The following OIT3 variants were observed in gnomAD, a reference collection of about 807,000 sequenced individuals.
OIT3 encodes oncoprotein induced transcript 3, also known as oncoprotein-induced transcript 3 protein.
Under a neutral mutation model 52.2 loss-of-function variants are expected in OIT3, and 41 were observed. That is an observed-to-expected ratio of 0.79 (90% CI 0.61 to 1.02). The LOEUF (loss-of-function observed/expected upper bound fraction) is 1.02, where lower values mean the gene tolerates loss of function less well. OIT3 is among the 50% of genes least tolerant of loss of function. The pLI is 0.00. For synonymous variants in OIT3, 244 were observed against 276.9 expected (o/e 0.88, Z 1.18); for missense variants, 634 against 715.5 (o/e 0.89, Z 1.30).
intron 6 of OIT3, among the ~76,000 whole-genome samples, chr10:72,922,765 T>A (rs1846132435): frequency 6.6e-6 from 1 of 152,208 alleles, no homozygotes; most frequent in Non-Finnish European, 1.5e-5. Context: ...GAGGGCACTC[T>A]AGCTTTTTGA....
At chr10:72,921,742 A>G (rs1454355442) in intron 6 of OIT3, among the ~76,000 whole-genome samples, 1 of 149,508 alleles carries the variant, frequency 6.7e-6, no homozygotes, top group Non-Finnish European at 1.5e-5. Context: ...GCATGATCTC[A>G]GCACATGCAA....
intron 2 of OIT3, among the ~76,000 whole-genome samples, chr10:72,899,605 A>G (rs914049909): frequency 9.1e-4 from 138 of 151,876 alleles, no homozygotes; most frequent in Non-Finnish European, 6.5e-4. Context: ...CAAAAAAAAA[A>G]AAAAAAGAAA....
chr10:72,921,793 T>C (rs1364709042), intron 6 of OIT3, among the ~76,000 whole-genome samples: 1 of 151,086 alleles, frequency 6.6e-6, no homozygotes, highest in Non-Finnish European at 1.5e-5. Flanking sequence ...TGCCTCAGCC[T>C]CCCGAGTAGT....
intron 7 of OIT3, among the ~76,000 whole-genome samples, chr10:72,928,363 G>A (rs1846187022): frequency 6.6e-6 from 1 of 152,158 alleles, no homozygotes. Flanking sequence ...TGAATTCGGT[G>A]CTCGGAACTA....
chr10:72,924,977 G>A (rs1203326896), intron 7 of OIT3, among the ~76,000 whole-genome samples: 1 of 151,998 alleles, frequency 6.6e-6, no homozygotes, highest in African/African-American at 2.4e-5. Context: ...TGGGTGTGGT[G>A]GCAGGCACCT....
chr10:72,931,928 G>A (rs140327581), intron 8 of OIT3, among the ~76,000 whole-genome samples: 13 of 152,324 alleles, frequency 8.5e-5, no homozygotes, highest in African/African-American at 3.1e-4. Context: ...AGGAAGCTCA[G>A]GCAGTTACCT....
chr10:72,895,945 A>G (rs544040358), intron 1 of OIT3, among the ~76,000 whole-genome samples: 17 of 152,322 alleles, frequency 1.1e-4, no homozygotes, highest in African/African-American at 4.1e-4. Flanking sequence ...CAGTGGCCAG[A>G]TTATTAGATT....
chr10:72,924,219 C>A lies in OIT3; in HGVS notation c.952-10C>A. The A allele has an allele frequency of 1.3e-6, 2 of 1,578,234 alleles. No homozygotes were observed. Among genetic ancestry groups the A allele is most frequent in the Non-Finnish European group, 1.7e-6 (2 of 1,158,830 alleles). On this transcript the variant is annotated splice_polypyrimidine_tract_variant and intron_variant, in intron 6 of 8. Coordinates refer to ENST00000334011, the MANE Select transcript of OIT3 (RefSeq NM_152635.3). The stretch of plus-strand genomic sequence containing the variant: ...AATCTCTTTCCTCTCCTCACCCTGG[C>A]CTGGCTCAGGTGGTGAATGACAAGA...
intron 6 of OIT3, chr10:72,918,239 G>T: frequency 1.2e-6 from 1 of 819,876 alleles, no homozygotes; most frequent in Non-Finnish European, 2.1e-6. Flanking sequence ...TCAACTGTAA[G>T]ATCACTGGGG....
At chr10:72,898,553 C>T in intron 1 of OIT3, 111 bp from the exon 2 acceptor site, 1 of 1,025,140 alleles carries the variant, frequency 9.8e-7, no homozygotes, top group Non-Finnish European at 1.4e-6. Flanking sequence ...TAACTAATTT[C>T]TCTCTGGAAT....
At position 72,900,402 on chromosome 10, in the gene OIT3, C is replaced by G. The variant is rs908469850; in HGVS notation, c.462C>G (p.Asp154Glu). ...CGHFYDICDE[D>E]CHGSCSDTSE... ...ATTTTTATGACATCTGCGACGAGGA[C>G]TGCCATGGCAGCTGCTCAGATACCA... The change falls in exon 3 of 9, where the codon GAC becomes GAG. Residue 154 changes from aspartate to glutamate, a missense_variant. Asp to Glu is a conservative substitution (Grantham distance 45, BLOSUM62 2). Coordinates refer to ENST00000334011, the MANE Select transcript of OIT3 (RefSeq NM_152635.3). The G allele has an allele frequency of 1.2e-6, 2 of 1,609,796 alleles. No homozygotes were observed. Among genetic ancestry groups the G allele is most frequent in the Non-Finnish European group, 1.7e-6 (2 of 1,176,364 alleles).
chr10:72,918,074 T>C, intron 6 of OIT3: 1 of 1,157,214 alleles, frequency 8.6e-7, no homozygotes, highest in Non-Finnish European at 1.3e-6. Flanking sequence ...GTTTTACTTT[T>C]TTCTGTGGAA....
chr10:72,909,256 G>T (rs1229371763), intron 4 of OIT3, among the ~76,000 whole-genome samples: 3 of 151,754 alleles, frequency 2.0e-5, no homozygotes, highest in Non-Finnish European at 4.4e-5. Context: ...AAGAAGCTGG[G>T]ACTACAGGCG....
At chr10:72,911,874 T>G in intron 5 of OIT3, 35 bp downstream of exon 5, 1 of 1,574,088 alleles carries the variant, frequency 6.4e-7, no homozygotes, top group African/African-American at 1.4e-5. Context: ...GTCTCTACTC[T>G]GATTACACTT....
intron 4 of OIT3, among the ~76,000 whole-genome samples, chr10:72,906,976 G>A (rs891798431): frequency 2.6e-5 from 4 of 152,178 alleles, no homozygotes; most frequent in Non-Finnish European, 4.4e-5. Context: ...AATAAAAATA[G>A]GGTGTTCTGG....
chr10:72,898,334 T>G (rs1845895679), intron 1 of OIT3, among the ~76,000 whole-genome samples: 1 of 151,976 alleles, frequency 6.6e-6, no homozygotes, highest in Admixed American at 6.6e-5. Flanking sequence ...ATACTCAGAG[T>G]GTGGTCTGAC....
At position 72,926,558 on chromosome 10, in the gene OIT3, CT is replaced by C. The variant is rs1188276797; in HGVS notation, c.1367+1917del. ...CCCTGCTGAAAACCTCTTAATGGTT[CT>C]TTATTAGCTTTGATCAGTAAATCTG... On this transcript the variant is annotated intron_variant, in intron 7 of 8. Coordinates refer to ENST00000334011, the MANE Select transcript of OIT3 (RefSeq NM_152635.3). Among the ~76,000 whole-genome samples the C allele has an allele frequency of 2.0e-5, 3 of 152,268 alleles. No homozygotes were observed. In the East Asian group the frequency reaches 5.8e-4, roughly 29 times the overall value.
At chr10:72,922,041 C>G (rs1433595937) in intron 6 of OIT3, among the ~76,000 whole-genome samples, 2 of 152,160 alleles carry the variant, frequency 1.3e-5, no homozygotes, top group Non-Finnish European at 2.9e-5. Context: ...AGGGTTTCTG[C>G]TGAAGGGTCC....
rs1846223719 is a variant in OIT3 at position 72,932,368 on chromosome 10, C to T, written c.1482C>T (p.His494=). The part of the protein sequence containing the change: ...VGKDHKEVFL[H]CRVLVCGVLD... ...CATCTCTTCAGGAAGTGTTTCTGCA[C>T]TGCCGGGTTCTTGTCTGTGGAGTGT... The change falls in exon 9 of 9, where the codon CAC becomes CAT. Residue 494 remains histidine (H), a synonymous_variant. Transcript: ENST00000334011. The T allele has an allele frequency of 6.2e-7, 1 of 1,614,202 alleles. No individual in the cohort carries two copies. Among genetic ancestry groups the T allele is most frequent in the Non-Finnish European group, 8.5e-7 (1 of 1,180,010 alleles).
Sources: gnomAD v4.1 joint callset for allele counts (sites outside exome capture counted in the v4.1 genomes callset) on GRCh38, gnomAD v4.1.1 for gene constraint, MANE v1.5 for transcripts, NCBI Gene and HGNC (gene_info 2026-07-23, HGNC 2026-07-21) for gene names.